Variants in CYP4F12 observed in about 807,000 individuals in gnomAD.
The protein encoded by CYP4F12 is cytochrome P450 family 4 subfamily F member 12.
A neutral mutation model predicts 56.5 loss-of-function variants in CYP4F12; 60 were observed. The observed-to-expected ratio is 1.06, with a 90% CI of 0.86 to 1.32. The LOEUF (loss-of-function observed/expected upper bound fraction) is 1.32, where lower values mean the gene tolerates loss of function less well. Among genes scored for constraint, CYP4F12 ranks in the 40% most tolerant of loss-of-function variants. The pLI is 0.00. For missense variants in CYP4F12, 711 were observed against 683.5 expected, an observed-to-expected ratio of 1.04 and a Z score of -0.45; for synonymous variants, 263 against 264.9, an observed-to-expected ratio of 0.99 and a Z score of 0.07.
intron 6 of CYP4F12, 26 bp downstream of exon 6, chr19:15,682,536 T>A: frequency 1.2e-6 from 2 of 1,611,322 alleles, no homozygotes; most frequent in Non-Finnish European, 1.7e-6. Context: ...GGGCCTGGGA[T>A]ATGAATCCAT....
chr19:15,677,125 T>TCCTCTGCC lies in CYP4F12; in HGVS notation c.199-1135_199-1134insCTCTGCCC, dbSNP rs1229429500. Among the ~76,000 whole-genome samples, 6 of 98,508 alleles carry TCCTCTGCC rather than the reference T, an allele frequency of 6.1e-5. 2 individuals carry two copies. The highest frequency in any genetic ancestry group is 1.1e-4 in the African/African-American group (3 of 26,978). 64.6% of individuals were successfully genotyped at this position (98,508 alleles called of 152,430 possible). A position where few individuals can be genotyped will look rare whatever the true frequency, so the allele number is the denominator to read the frequency against. ...CTCATTCCTCTGCTCACTCACTCATTCATATCCTCACTCACTCATTCCTCT... is the reference window on the plus strand; with the variant it reads ...CTCATTCCTCTGCTCACTCACTCATTCCTCTGCCCATATCCTCACTCACTCATTCCTCT... On this transcript the variant is annotated intron_variant, in intron 2 of 12. Transcript: ENST00000550308.
At chr19:15,694,475 A>C (rs2008028112) in intron 9 of CYP4F12, among the ~76,000 whole-genome samples, 1 of 139,544 alleles carries the variant, frequency 7.2e-6, no homozygotes, top group African/African-American at 2.8e-5. Context: ...TTCACTCATG[A>C]TTTGGCTCTC....
intron 9 of CYP4F12, among the ~76,000 whole-genome samples, chr19:15,686,857 G>C (rs2007631392): frequency 6.6e-6 from 1 of 152,196 alleles, no homozygotes; most frequent in South Asian, 2.1e-4. Context: ...CATGTGTTTT[G>C]GAGGCCGTGT....
At position 15,680,450 on chromosome 19, in the gene CYP4F12, G is replaced by A. The variant is rs373355202; in HGVS notation, c.456G>A (p.Thr152=). ...GGAGCCGCCACCGTCGGATGCTGACGCCCGCCTTCCATTTCAACATCCTGA... is the reference window on the plus strand; with the variant it reads ...GGAGCCGCCACCGTCGGATGCTGACACCCGCCTTCCATTTCAACATCCTGA... The part of the protein sequence containing the change: ...DKWSRHRRML[T]PAFHFNILKS... The change falls in exon 5 of 13, where the codon ACG becomes ACA. Residue 152 remains threonine, a synonymous_variant. Coordinates refer to ENST00000550308, the MANE Select transcript of CYP4F12 (RefSeq NM_023944.4). The A allele has an allele frequency of 7.4e-6, 12 of 1,614,002 alleles. No individual in the cohort carries two copies. Among genetic ancestry groups the A allele is most frequent in the South Asian group, 4.4e-5 (4 of 91,078 alleles).
intron 9 of CYP4F12, among the ~76,000 whole-genome samples, chr19:15,685,426 G>A (rs1389197432): frequency 1.3e-5 from 2 of 152,154 alleles, no homozygotes; most frequent in African/African-American, 4.8e-5. Flanking sequence ...CAATGTGTGA[G>A]GACAGATAAT....
At position 15,680,556 on chromosome 19, in the gene CYP4F12, T is replaced by G. The variant is rs769729293; in HGVS notation, c.525+37T>G. The G allele has an allele frequency of 1.9e-6, 3 of 1,613,730 alleles. No individual in the cohort carries two copies. The African/African-American group carries it at 4.0e-5, about 22-fold the overall frequency. On this transcript the variant is annotated intron_variant, in intron 5 of 12. Coordinates refer to ENST00000550308, the MANE Select transcript of CYP4F12 (RefSeq NM_023944.4). ...GAAGTCTGGGTCCCAGATGGAGTCT[T>G]GGGGTGGAGGGACCATGGACACATC...
intron 3 of CYP4F12, 105 bp downstream of exon 3, chr19:15,678,510 C>T: frequency 7.1e-7 from 1 of 1,409,078 alleles, no homozygotes; most frequent in Non-Finnish European, 9.8e-7. Context: ...ATTGAGACTT[C>T]CTTCTCAATG....
At position 15,696,055 on chromosome 19, in the gene CYP4F12, G is replaced by A. The variant is rs758939630; in HGVS notation, c.1235G>A (p.Arg412Gln). The A allele has an allele frequency of 3.2e-5, 52 of 1,613,618 alleles. No homozygotes were observed. The South Asian group carries it at 4.7e-4, about 15-fold the overall frequency. Residue 412 changes from arginine (R) to glutamine (Q), a missense_variant, in exon 10 of 13, where the codon CGA becomes CAA. Physicochemically the swap from Arg to Gln is conservative, Grantham distance 43. Transcript: ENST00000550308. ...CTQDIVLPDG[R>Q]VIPKGITCLI... ...CAGGACATTGTTCTCCCAGATGGCC[G>A]AGTCATCCCCAAAGGTGCCCACAGC...
intron 2 of CYP4F12, among the ~76,000 whole-genome samples, chr19:15,677,768 T>TTCCTTCC (rs2007048636): frequency 6.8e-4 from 1 of 1,460 alleles, no homozygotes; most frequent in African/African-American, 2.1e-3. Context: ...GCACTCATTC[T>TTCCTTCC]TCTCCTCACT....
Position 15,680,396 on chromosome 19 carries a change from A to T in CYP4F12, c.402A>T (p.Glu134Asp), listed in dbSNP as rs145798366. ...TGTCCTTGGCTGCCCTACTAGGAGA[A>T]GGGATACTGCTGAGTGGCGGTGACA... ...FIRFLKPWLG[E>D]GILLSGGDKW... The change falls in exon 5 of 13, where the codon GAA becomes GAT. Residue 134 changes from glutamate (E) to aspartate (D), a missense_variant. Physicochemically the swap from Glu to Asp is conservative, Grantham distance 45 (BLOSUM62 2). Coordinates refer to ENST00000550308, the MANE Select transcript of CYP4F12 (RefSeq NM_023944.4). 4.3e-3 allele frequency: 7,013 copies of T among 1,613,126 alleles called. 41 individuals are homozygous for T. The African/African-American group carries it at 0.082, about 19-fold the overall frequency.
Position 15,680,365 on chromosome 19 carries a change from G to A in CYP4F12, c.398-27G>A, listed in dbSNP as rs1378922855. ...GGAGGGTAGGGGAAGTGCTGCTCTT[G>A]CCCACTGTCCTTGGCTGCCCTACTA... On this transcript the variant is annotated intron_variant, in intron 4 of 12. Coordinates refer to ENST00000550308, the MANE Select transcript of CYP4F12 (RefSeq NM_023944.4). The A allele has an allele frequency of 1.9e-5, 30 of 1,613,964 alleles. 1 individual carries two copies. The highest frequency in any genetic ancestry group is 2.5e-5 in the Non-Finnish European group (29 of 1,179,876).
At chr19:15,688,682 G>A (rs678403) in intron 9 of CYP4F12, among the ~76,000 whole-genome samples, 43,042 of 152,000 alleles carry the variant, frequency 0.28, 6,607 homozygotes, top group African/African-American at 0.4. Context: ...AAAATTTGGA[G>A]GCATCACATT....
In CYP4F12 at chr19:15,683,518, A is replaced by G. The variant is rs1398322477; in HGVS notation, c.673A>G (p.Ile225Val). ...QERPSEYIAT[I>V]LELSALVEKR... ...GAGGCCCAGTGAATATATTGCCACCATCTTGGAGCTCAGTGCCCTTGTAGA... is the reference window on the plus strand; with the variant it reads ...GAGGCCCAGTGAATATATTGCCACCGTCTTGGAGCTCAGTGCCCTTGTAGA... The change falls in exon 7 of 13, where the codon ATC (isoleucine) becomes GTC (valine). Residue 225 changes from isoleucine to valine, a missense_variant. Physicochemically the swap from Ile to Val is conservative, Grantham distance 29. Transcript: ENST00000550308. 1.2e-6 allele frequency: 2 copies of G among 1,607,798 alleles called. No homozygotes were observed. The highest frequency in any genetic ancestry group is 1.7e-6 in the Non-Finnish European group (2 of 1,177,436).
At position 15,684,807 on chromosome 19, in the gene CYP4F12, T is replaced by C; in HGVS notation, c.919-9T>C. 1 of 1,599,608 alleles carries C rather than the reference T, an allele frequency of 6.3e-7. No individual in the cohort carries two copies. Among genetic ancestry groups the C allele is most frequent in the Non-Finnish European group, 8.5e-7 (1 of 1,171,048 alleles). Reference sequence around the variant, plus strand: ...GTGTGTGTGTGTGTGTGTCTTGCTTTCTCTTCAGGATGAAGATGGGAAGGC... The same window carrying C: ...GTGTGTGTGTGTGTGTGTCTTGCTTCCTCTTCAGGATGAAGATGGGAAGGC... On this transcript the variant is annotated splice_polypyrimidine_tract_variant and intron_variant, in intron 7 of 12. Transcript: ENST00000550308.
In CYP4F12 at chr19:15,684,796, G is replaced by A. The variant is rs1171098316; in HGVS notation, c.919-20G>A. The A allele has an allele frequency of 2.8e-6, 4 of 1,408,208 alleles. No homozygotes were observed. The highest frequency in any genetic ancestry group is 1.4e-5 in the African/African-American group (1 of 69,324). 87.2% of individuals were successfully genotyped at this position (1,408,208 alleles called of 1,614,324 possible). On this transcript the variant is annotated intron_variant, in intron 7 of 12. Coordinates refer to ENST00000550308, the MANE Select transcript of CYP4F12 (RefSeq NM_023944.4). Reference sequence around the variant, plus strand: ...TGTGTGTGTGTGTGTGTGTGTGTGTGTGTCTTGCTTTCTCTTCAGGATGAA... The same window carrying A: ...TGTGTGTGTGTGTGTGTGTGTGTGTATGTCTTGCTTTCTCTTCAGGATGAA...
In CYP4F12 at chr19:15,683,475, T is replaced by G. The variant is rs746154874; in HGVS notation, c.648-18T>G. 1 of 1,569,108 alleles carries G rather than the reference T, an allele frequency of 6.4e-7. No individual in the cohort carries two copies. ...CATACGTTACATTGTTGCCTCCCTT[T>G]CTGCCCTTGCTCTGCAGGAGGCCCA... On this transcript the variant is annotated intron_variant, in intron 6 of 12. Coordinates refer to ENST00000550308, the MANE Select transcript of CYP4F12 (RefSeq NM_023944.4).
At chr19:15,696,757 A>G in intron 12 of CYP4F12, 151 bp from the exon 13 acceptor site, 1 of 1,158,520 alleles carries the variant, frequency 8.6e-7, no homozygotes, top group African/African-American at 1.6e-5. Context: ...GGGACATACA[A>G]GCCCACATGG....
Position 15,673,731 on chromosome 19 carries a change from A to T in CYP4F12, c.198+4A>T, listed in dbSNP as rs1186810123. The stretch of plus-strand genomic sequence containing the variant: ...GTTTTGGGGTCACCTGGGCCTGGTG[A>T]GTGTGACAGCAAAATGTGTCTGGGG... On this transcript the variant is annotated splice_donor_region_variant and intron_variant, in intron 2 of 12. Transcript: ENST00000550308. 1 of 1,613,618 alleles carries T rather than the reference A, an allele frequency of 6.2e-7. No homozygotes were observed. The highest frequency in any genetic ancestry group is 1.3e-5 in the African/African-American group (1 of 74,882).
chr19:15,677,639 T>C (rs201964901), intron 2 of CYP4F12, among the ~76,000 whole-genome samples: 1,683 of 2,902 alleles, frequency 0.58, 411 homozygotes, highest in East Asian at 1. Context: ...TCTCCTCACT[T>C]ACTCATTCCT....
Sources: allele counts gnomAD v4.1 joint callset (sites outside exome capture counted in the v4.1 genomes callset), GRCh38; gene constraint gnomAD v4.1.1; transcripts MANE v1.5; gene names NCBI Gene and HGNC (gene_info 2026-07-23, HGNC 2026-07-21).